MYT1L: variants seen among roughly 807,000 people sequenced by gnomAD.
The protein encoded by MYT1L is myelin transcription factor 1-like protein.
In MYT1L, 12 loss-of-function variants were observed where a neutral mutation model predicts 126.7. The ratio of observed to expected loss-of-function variants is 0.09; its 90% CI spans 0.06 to 0.15. The LOEUF (loss-of-function observed/expected upper bound fraction) is 0.15. Ranked by LOEUF, MYT1L falls within the 10% of genes least tolerant of loss-of-function variation. The probability of loss-of-function intolerance (pLI) is 1.00; values close to 1 mark genes in which losing one functional copy is unlikely to be tolerated. For missense variants in MYT1L, 979 were observed against 1,585.2 expected (o/e 0.62, Z 6.49); for synonymous variants, 541 against 604.2 (o/e 0.90, Z 1.53).
intron 18 of MYT1L, chr2:1,885,199 T>C (rs10176277): frequency 0.041 from 6,239 of 152,448 alleles, 166 homozygotes; most frequent in East Asian, 0.095. Context: ...CAAGTGGAGT[T>C]AGTCATGTTT....
intron 16 of MYT1L, among the ~76,000 whole-genome samples, chr2:1,888,883 C>T (rs1007711544): frequency 2.0e-5 from 3 of 152,272 alleles, no homozygotes; most frequent in South Asian, 2.1e-4. Context: ...ATCTAAGACT[C>T]CTATTAGAAT....
chr2:2,214,435 T>C (rs1041099736), intron 2 of MYT1L, among the ~76,000 whole-genome samples: 46 of 151,636 alleles, frequency 3.0e-4, no homozygotes, highest in African/African-American at 1.1e-3. Flanking sequence ...ATCAAATTTC[T>C]CGAAACCAGC....
intron 2 of MYT1L, among the ~76,000 whole-genome samples, chr2:2,177,367 A>C (rs980357910): frequency 1.3e-5 from 2 of 152,206 alleles, no homozygotes; most frequent in African/African-American, 4.8e-5. Flanking sequence ...ATTTGTGGTA[A>C]ATAGGCAATC....
intron 2 of MYT1L, among the ~76,000 whole-genome samples, chr2:2,263,028 C>T (rs1465693839): frequency 6.9e-6 from 1 of 144,298 alleles, no homozygotes; most frequent in Non-Finnish European, 1.5e-5. Context: ...AAATATTTTT[C>T]CCAAAAGGCA....
intron 1 of MYT1L, among the ~76,000 whole-genome samples, chr2:2,319,002 T>C (rs1339383644): frequency 5.9e-5 from 9 of 152,216 alleles, no homozygotes; most frequent in African/African-American, 1.9e-4. Flanking sequence ...AAGGGAAATG[T>C]GGCAAATAGT....
rs555172669 is a variant in MYT1L, at chr2:2,013,306, C to T, written c.-157-15959G>A. 1.2e-3 allele frequency among the ~76,000 whole-genome samples: 183 copies of T among 152,262 alleles called. 5 individuals carry two copies. The South Asian group carries it at 0.028, about 23-fold the overall frequency. ...CAGGGGCCAGGCTTCCCTCGAATGA[C>T]GCATGGGAACCCCCTTTGTGCCCTT... On this transcript the variant is annotated intron_variant, in intron 4 of 24. Transcript: ENST00000647738.
intron 4 of MYT1L, among the ~76,000 whole-genome samples, chr2:2,031,638 TACAC>T (rs1472180278): frequency 7.0e-6 from 1 of 142,744 alleles, no homozygotes; most frequent in Non-Finnish European, 1.5e-5. Flanking sequence ...AGGAGGGCCT[TACAC>T]ACACCCCTCA....
intron 23 of MYT1L, among the ~76,000 whole-genome samples, chr2:1,794,051 T>C (rs1308104476): frequency 6.6e-6 from 1 of 152,174 alleles, no homozygotes; most frequent in Non-Finnish European, 1.5e-5. Flanking sequence ...CGGAATCTAA[T>C]CTAGAATGAG....
intron 8 of MYT1L, among the ~76,000 whole-genome samples, chr2:1,952,685 T>C: frequency 7.2e-6 from 1 of 139,494 alleles, no homozygotes; most frequent in African/African-American, 2.7e-5. Context: ...TGCTCCTTTG[T>C]CCTCCTTCCT....
At chr2:2,040,236 C>G (rs1319926769) in intron 4 of MYT1L, among the ~76,000 whole-genome samples, 1 of 152,156 alleles carries the variant, frequency 6.6e-6, no homozygotes. Flanking sequence ...GCTGAGCACA[C>G]GTGTACTCTG....
chr2:2,266,521 G>A (rs752491), intron 2 of MYT1L, among the ~76,000 whole-genome samples: 63,856 of 151,974 alleles, frequency 0.42, 14,113 homozygotes, highest in East Asian at 0.81. Flanking sequence ...ACAGCATTTC[G>A]CAGTGGCTCC....
In MYT1L at chr2:2,118,057, T is replaced by C. The variant is rs945711775; in HGVS notation, c.-304+54815A>G. 4.0e-5 allele frequency among the ~76,000 whole-genome samples: 6 copies of C among 150,748 alleles called. No homozygotes were observed. The South Asian group carries it at 1.2e-3, about 31-fold the overall frequency. On this transcript the variant is annotated intron_variant, in intron 3 of 24. Coordinates refer to ENST00000647738, the MANE Select transcript of MYT1L (RefSeq NM_001303052.2). Reference sequence around the variant, plus strand: ...ATATTTGCTAGTTGTCAGGGTTTTATTCTATATTTATATTCAATAACATTT... The same window carrying C: ...ATATTTGCTAGTTGTCAGGGTTTTACTCTATATTTATATTCAATAACATTT...
intron 14 of MYT1L, among the ~76,000 whole-genome samples, chr2:1,899,437 G>A (rs1338355217): frequency 1.3e-5 from 2 of 152,218 alleles, no homozygotes; most frequent in Non-Finnish European, 2.9e-5. Context: ...AACAGGGTGG[G>A]TGGGCTGTGG....
At chr2:1,968,238 C>T (rs1046401020) in intron 8 of MYT1L, among the ~76,000 whole-genome samples, 8 of 151,950 alleles carry the variant, frequency 5.3e-5, no homozygotes, top group Non-Finnish European at 1.0e-4. Context: ...CATTAGGATT[C>T]ACTACCCTCT....
chr2:1,874,955 T>C (rs1200681172), intron 18 of MYT1L, among the ~76,000 whole-genome samples: 1 of 152,240 alleles, frequency 6.6e-6, no homozygotes, highest in Non-Finnish European at 1.5e-5. Context: ...GCGGCCCGTC[T>C]GCTGGCCCAT....
At position 1,868,884 on chromosome 2, in the gene MYT1L, C is replaced by G. The variant is rs113600634; in HGVS notation, c.2712-17181G>C. Reference sequence around the variant, plus strand: ...ACCGAGGAGGGAGGGGAGATGCCCTCAGGTGTGGTGGCCATGGGAGTGGGC... The same window carrying G: ...ACCGAGGAGGGAGGGGAGATGCCCTGAGGTGTGGTGGCCATGGGAGTGGGC... On this transcript the variant is annotated intron_variant, in intron 18 of 24. Transcript: ENST00000647738. Among the ~76,000 whole-genome samples, 634 of 152,334 alleles carry G rather than the reference C, an allele frequency of 4.2e-3. 4 individuals are homozygous for G. Among genetic ancestry groups the G allele is most frequent in the Non-Finnish European group, 7.6e-3 (519 of 68,022 alleles).
chr2:1,951,235 G>A (rs902830598), intron 8 of MYT1L, among the ~76,000 whole-genome samples: 2 of 152,128 alleles, frequency 1.3e-5, no homozygotes, highest in Non-Finnish European at 2.9e-5. Context: ...GTGGGTGGAT[G>A]TTGTAGACAT....
chr2:1,922,590 C>T lies in MYT1L; in HGVS notation c.1179G>A (p.Ser393=), dbSNP rs368168562. 4.3e-6 allele frequency: 7 copies of T among 1,614,010 alleles called. No individual in the cohort carries two copies. In the South Asian group the frequency reaches 4.4e-5, roughly 10 times the overall value. The change falls in exon 10 of 25, where the codon TCG becomes TCA. Residue 393 remains serine (S), a synonymous_variant. Coordinates refer to ENST00000647738, the MANE Select transcript of MYT1L (RefSeq NM_001303052.2). This position sits in a 1 kb window ranked among gnomAD's most constrained non-coding sequence, Gnocchi z 7.4. ...MRLEEQLSPR[S]RVFASCAKED... is the part of the protein sequence containing the mutation. ...CCTTCGCACAGCTGGCAAACACTCTCGACCGGGGGCTCAACTGCTCCTCCA... is the reference window on the plus strand; with the variant it reads ...CCTTCGCACAGCTGGCAAACACTCTTGACCGGGGGCTCAACTGCTCCTCCA...
chr2:1,995,300 G>A (rs1331719466), intron 5 of MYT1L, among the ~76,000 whole-genome samples: 5 of 152,160 alleles, frequency 3.3e-5, no homozygotes, highest in Admixed American at 2.6e-4. Context: ...GTGAGGGGAC[G>A]CTGCTATGTG....
Sources: gnomAD v4.1 joint callset for allele counts (sites outside exome capture counted in the v4.1 genomes callset) on GRCh38, gnomAD v4.1.1 for gene constraint, Gnocchi (gnomAD v3.1) non-coding constraint, MANE v1.5 for transcripts, NCBI Gene and HGNC (gene_info 2026-07-23, HGNC 2026-07-21) for gene names.